Variants in PHKA1 observed in about 807,000 individuals in gnomAD.
PHKA1 encodes phosphorylase kinase regulatory subunit alpha 1, also known as phosphorylase b kinase regulatory subunit alpha, skeletal muscle isoform.
A neutral mutation model predicts 110.2 loss-of-function variants in PHKA1; 60 were observed. That is an observed-to-expected ratio of 0.54 (90% CI 0.44 to 0.68). PHKA1 has a LOEUF of 0.68. Among genes scored for constraint, PHKA1 ranks in the 30% least tolerant of loss-of-function variants. The pLI is 0.00. For synonymous variants in PHKA1, 316 were observed against 333.6 expected, an observed-to-expected ratio of 0.95 and a Z score of 0.58; for missense variants, 801 against 942.5, an observed-to-expected ratio of 0.85 and a Z score of 1.97.
intron 25 of PHKA1, among the ~76,000 whole-genome samples, chrX:72,604,426 T>C (rs2052700090): frequency 8.9e-6 from 1 of 111,778 alleles, no homozygotes; most frequent in Admixed American, 9.5e-5. Context: ...ATGGTAGGTA[T>C]AAAACAATTG....
intron 5 of PHKA1, 70 bp from the exon 6 acceptor site, chrX:72,676,220 T>G: frequency 1.3e-6 from 1 of 788,762 alleles, no homozygotes; most frequent in Non-Finnish European, 1.9e-6. Flanking sequence ...GCAGGAAGTG[T>G]TTACCCTTGA....
At chrX:72,601,357 G>T (rs2052655116) in intron 28 of PHKA1, among the ~76,000 whole-genome samples, 1 of 111,536 alleles carries the variant, frequency 9.0e-6, no homozygotes, top group Non-Finnish European at 1.9e-5. Flanking sequence ...AGAGAGATTG[G>T]GCTCCCCTCT....
rs2053215214 is a variant in PHKA1, at chrX:72,635,182, T to C, written c.1687A>G (p.Thr563Ala). The C allele has an allele frequency of 8.3e-7, 1 of 1,211,828 alleles. No individual in the cohort carries two copies. Among genetic ancestry groups the C allele is most frequent in the Non-Finnish European group, 1.1e-6 (1 of 895,516 alleles). The change falls in exon 16 of 32, where the codon ACC (threonine) becomes GCC (alanine). Residue 563 changes from threonine to alanine, a missense_variant. By Grantham distance (58) the Thr-to-Ala change is moderately conservative. Around this residue, in one of 2 missense-constraint regions of PHKA1, gnomAD observed 502 missense variants for 519.2 expected, o/e 0.97. Coordinates refer to ENST00000373542, the MANE Select transcript of PHKA1 (RefSeq NM_002637.4). ...AGCATGCTGTGTGAGATGGGGAAGG[T>C]GATGGTGGGCTGGCCTGTCATCCGC... is the stretch of plus-strand genomic sequence containing the variant. ...RWRMTGQPTI[T>A]FPISHSMLDE...
chrX:72,582,348 A>T (rs1556203401), intron 31 of PHKA1, 50 bp downstream of exon 31: 2 of 887,779 alleles, frequency 2.3e-6, no homozygotes, highest in South Asian at 4.0e-5. Context: ...GAATGTCATC[A>T]GGTTGGAGTA....
intron 5 of PHKA1, among the ~76,000 whole-genome samples, chrX:72,676,668 C>T (rs1471548811): frequency 8.9e-6 from 1 of 111,991 alleles, no homozygotes; most frequent in African/African-American, 3.2e-5. Context: ...CAAAGTCACA[C>T]AGTTAATAAG....
Position 72,581,126 on chromosome X carries a change from C to G in PHKA1, c.3548G>C (p.Gly1183Ala), listed in dbSNP as rs1556200951. 8.4e-7 allele frequency: 1 copy of G among 1,197,177 alleles called. No individual in the cohort carries two copies. Among genetic ancestry groups the G allele is most frequent in the Non-Finnish European group, 1.1e-6 (1 of 882,383 alleles). The part of the protein sequence containing the change: ...DTMLAKDPAS[G>A]ICTLLYDSAP... ...ACTGTCATACAGAAGAGTACAGATG[C>G]CAGATGCGGGATCCTTTGCCAACAT... The change falls in exon 32 of 32, where the codon GGC (glycine) becomes GCC (alanine). Residue 1183 changes from glycine to alanine, a missense_variant. Around this residue, in one of 2 missense-constraint regions of PHKA1, gnomAD observed 502 missense variants for 519.2 expected, o/e 0.97. Coordinates refer to ENST00000373542, the MANE Select transcript of PHKA1 (RefSeq NM_002637.4).
intron 5 of PHKA1, among the ~76,000 whole-genome samples, chrX:72,682,514 C>G (rs1163076070): frequency 9.2e-6 from 1 of 108,845 alleles, no homozygotes; most frequent in Admixed American, 9.6e-5. Flanking sequence ...ATTGAGAAAT[C>G]GGATGGTTGC....
chrX:72,605,314 T>C lies in PHKA1; in HGVS notation c.2772A>G (p.Ile924Met). The change falls in exon 25 of 32, where the codon ATA (isoleucine) becomes ATG (methionine). Residue 924 changes from isoleucine (I) to methionine (M), a missense_variant. Around this residue, in one of 2 missense-constraint regions of PHKA1, gnomAD observed 502 missense variants for 519.2 expected, o/e 0.97. Transcript: ENST00000373542. ...EMFRLRIGLI[I>M]QVMATELAHS... ...GGGCCAGTTCTGTTGCCATAACTTGTATGATCAGACCAATTCGAAGTCGAA... is the reference window on the plus strand; with the variant it reads ...GGGCCAGTTCTGTTGCCATAACTTGCATGATCAGACCAATTCGAAGTCGAA... 3 of 1,205,518 alleles carry C rather than the reference T, an allele frequency of 2.5e-6. No individual in the cohort carries two copies. Among genetic ancestry groups the C allele is most frequent in the Non-Finnish European group, 3.4e-6 (3 of 889,738 alleles).
At chrX:72,706,217 T>G (rs1439845010) in intron 2 of PHKA1, among the ~76,000 whole-genome samples, 2 of 112,260 alleles carry the variant, frequency 1.8e-5, no homozygotes, top group Non-Finnish European at 3.8e-5. Context: ...ATAAAAATGG[T>G]TTCTGTGGGA....
At chrX:72,599,092 T>G (rs782460768) in intron 28 of PHKA1, among the ~76,000 whole-genome samples, 11 of 111,262 alleles carry the variant, frequency 9.9e-5, no homozygotes, top group Non-Finnish European at 2.1e-4. Flanking sequence ...TCATTTTGAG[T>G]TTTTAAATTT....
At chrX:72,691,799 T>C (rs1005067192) in intron 4 of PHKA1, among the ~76,000 whole-genome samples, 6 of 112,350 alleles carry the variant, frequency 5.3e-5, no homozygotes, top group African/African-American at 1.9e-4. Context: ...TGTAAGAACG[T>C]ATCATCTGCA....
chrX:72,705,585 T>A (rs2054272071), intron 2 of PHKA1, among the ~76,000 whole-genome samples: 1 of 111,803 alleles, frequency 8.9e-6, no homozygotes, highest in Admixed American at 9.5e-5. Context: ...CTAAAATACA[T>A]CCTATGGCCT....
chrX:72,606,354 GCA>G (rs61135772), intron 23 of PHKA1, among the ~76,000 whole-genome samples: 5,155 of 100,713 alleles, frequency 0.051, 124 homozygotes, highest in Non-Finnish European at 0.075. Flanking sequence ...TCACACACAT[GCA>G]CACACACACA....
intron 18 of PHKA1, chrX:72,622,474 T>C: frequency 1.3e-6 from 1 of 754,258 alleles, no homozygotes. Flanking sequence ...TAATGCCTGC[T>C]CTGCCTAAGT....
chrX:72,602,148 A>T lies in PHKA1; in HGVS notation c.3033+10T>A. 8.8e-7 allele frequency: 1 copy of T among 1,135,029 alleles called. No individual in the cohort carries two copies. Among genetic ancestry groups the T allele is most frequent in the Non-Finnish European group, 1.2e-6 (1 of 825,956 alleles). The allele number at this position is 1,135,029 out of a possible 1,213,427, so 93.5% of individuals were successfully genotyped here. ...CAATATCCCAGCTAATCTCCCAGGT[A>T]GTATCTTACCTGCTTTATCTCACTT... is the stretch of plus-strand genomic sequence containing the variant. On this transcript the variant is annotated intron_variant, in intron 27 of 31. Transcript: ENST00000373542.
chrX:72,666,028 A>G, intron 8 of PHKA1, 123 bp downstream of exon 8: 1 of 685,106 alleles, frequency 1.5e-6, no homozygotes, highest in South Asian at 2.6e-5. Context: ...AACTATAAAG[A>G]CAACTCAGAA....
intron 18 of PHKA1, among the ~76,000 whole-genome samples, chrX:72,621,185 G>A (rs782513083): frequency 3.1e-4 from 35 of 111,710 alleles, no homozygotes; most frequent in African/African-American, 1.1e-3. Flanking sequence ...ATTGGAGCAA[G>A]CATTTAGCAA....
chrX:72,696,671 G>A (rs1350801208), intron 3 of PHKA1, among the ~76,000 whole-genome samples: 1 of 111,537 alleles, frequency 9.0e-6, no homozygotes, highest in Non-Finnish European at 1.9e-5. Context: ...ATAAAACCAA[G>A]CTGTGCCCCA....
At chrX:72,591,151 T>C (rs1387786218) in intron 29 of PHKA1, among the ~76,000 whole-genome samples, 1 of 111,915 alleles carries the variant, frequency 8.9e-6, no homozygotes, top group Non-Finnish European at 1.9e-5. Flanking sequence ...AGCAAAGACT[T>C]GGGACCAATG....
Sources: allele counts gnomAD v4.1 joint callset (sites outside exome capture counted in the v4.1 genomes callset), GRCh38; gene constraint gnomAD v4.1.1; regional missense constraint gnomAD v4.1.1; transcripts MANE v1.5; gene names NCBI Gene and HGNC (gene_info 2026-07-23, HGNC 2026-07-21).